The following SETD1A variants were observed in gnomAD, a reference collection of about 807,000 sequenced individuals.
SETD1A encodes histone-lysine N-methyltransferase SETD1A.
In SETD1A, 29 loss-of-function variants were observed where a neutral mutation model predicts 149.9. The observed-to-expected ratio is 0.19, with a 90% CI of 0.14 to 0.26. The LOEUF (loss-of-function observed/expected upper bound fraction) is 0.26. Among genes scored for constraint, SETD1A ranks in the 10% least tolerant of loss-of-function variants. SETD1A has a pLI of 1.00. For missense variants in SETD1A, 2,109 were observed against 2,353.1 expected (o/e 0.90, Z 2.15); for synonymous variants, 1,141 against 968.5 (o/e 1.18, Z -3.31).
At position 30,964,172 on chromosome 16, in the gene SETD1A, G is replaced by A. The variant is rs199921664; in HGVS notation, c.718G>A (p.Gly240Ser). Residue 240 changes from glycine to serine, a missense_variant, in exon 6 of 19, where the codon GGC becomes AGC. Transcript: ENST00000262519. Reference sequence around the variant, plus strand: ...CACTGCGGTGGGCACTCCTGGCAACGGCACCCCCTGCTCCCAGGACACAAG... The same window carrying A: ...CACTGCGGTGGGCACTCCTGGCAACAGCACCCCCTGCTCCCAGGACACAAG... ...GTTAVGTPGN[G>S]TPCSQDTSFS... 136 of 1,613,978 alleles carry A rather than the reference G, an allele frequency of 8.4e-5. No individual in the cohort carries two copies. Among genetic ancestry groups the A allele is most frequent in the East Asian group, 1.3e-4 (6 of 44,864 alleles).
At position 30,979,991 on chromosome 16, in the gene SETD1A, G is replaced by GCCCAA; in HGVS notation, c.4208_4209insAACCC (p.Pro1404ThrfsTer23). 1.1e-5 allele frequency: 14 copies of GCCCAA among 1,279,658 alleles called. No homozygotes were observed. Among genetic ancestry groups the GCCCAA allele is most frequent in the Middle Eastern group, 2.9e-4 (1 of 3,470 alleles). 79.3% of individuals were successfully genotyped at this position (1,279,658 alleles called of 1,614,324 possible). On this transcript the variant is annotated frameshift_variant, in exon 14 of 19. Coordinates refer to ENST00000262519, the MANE Select transcript of SETD1A (RefSeq NM_014712.3). LOFTEE classifies it high-confidence loss of function. ...CTCCGCTCCCACGCCCGGCGCCGCCGCCCTCCGCCCCCACCCCCGCCGCCA... is the reference window on the plus strand; with the variant it reads ...CTCCGCTCCCACGCCCGGCGCCGCCGCCCAACCCTCCGCCCCCACCCCCGCCGCCA...
Position 30,980,096 on chromosome 16 carries a change from C to T in SETD1A, c.4310C>T (p.Ser1437Leu), listed in dbSNP as rs2056351599. ...GACATTTGGAACTCGGGCCTGGACT[C>T]AGAGGACATGAGTTACCTGCGGCTT... Reference protein sequence around the residue: ...LYDIWNSGLDSEDMSYLRLTY... With the variant: ...LYDIWNSGLDLEDMSYLRLTY... Residue 1437 changes from serine to leucine, a missense_variant, in exon 14 of 19, where the codon TCA becomes TTA. This residue lies in a region of SETD1A where 254 missense variants were observed against 409.3 expected (regional missense o/e 0.62). Coordinates refer to ENST00000262519, the MANE Select transcript of SETD1A (RefSeq NM_014712.3). This position sits in a 1 kb window ranked among gnomAD's most constrained non-coding sequence, Gnocchi z 7.7. The T allele has an allele frequency of 6.2e-7, 1 of 1,612,108 alleles. No homozygotes were observed. Among genetic ancestry groups the T allele is most frequent in the South Asian group, 1.1e-5 (1 of 91,060 alleles).
rs1389128355 is a variant in SETD1A, at chr16:30,969,688, T to C, written c.3015T>C (p.Asp1005=). 6.2e-7 allele frequency: 1 copy of C among 1,613,248 alleles called. No homozygotes were observed. ...CAAAGAAGGAGACAGAGGTGTCGGATGGTGAGCACAAGACAGTGAAATCGA... is the reference window on the plus strand; with the variant it reads ...CAAAGAAGGAGACAGAGGTGTCGGACGGTGAGCACAAGACAGTGAAATCGA... ...DTTKKETEVS[D]GEDEESDSSS... Residue 1005 remains aspartate, a splice_region_variant and synonymous_variant, in exon 12 of 19, where the codon GAT becomes GAC. Transcript: ENST00000262519.
intron 13 of SETD1A, 137 bp downstream of exon 13, chr16:30,971,856 C>A: frequency 1.7e-6 from 2 of 1,182,398 alleles, no homozygotes; most frequent in Non-Finnish European, 2.3e-6. Flanking sequence ...CATCTCCTGT[C>A]ACTACCTTCT....
intron 2 of SETD1A, 42 bp downstream of exon 2, chr16:30,958,923 G>T (rs1191302593): frequency 6.2e-7 from 1 of 1,610,548 alleles, no homozygotes; most frequent in Non-Finnish European, 8.5e-7. Context: ...GGAGCTCCAG[G>T]CGCCCGTCCT....
Position 30,964,335 on chromosome 16 carries a change from ACCCCGCCTGGGG to A in SETD1A, c.869+20_869+31del. ...GCCTACTCCAGCAGGTACAGAGCAG[ACCCCGCCTGGGG>A]CCCCGCCCGCAAAGTCTGGGAGCTG... On this transcript the variant is annotated intron_variant, in intron 6 of 18. Transcript: ENST00000262519. 6.2e-7 allele frequency: 1 copy of A among 1,604,024 alleles called. No homozygotes were observed. Among genetic ancestry groups the A allele is most frequent in the South Asian group, 1.1e-5 (1 of 90,706 alleles).
rs2143504874 is a variant in SETD1A, at chr16:30,966,162, T to C, written c.2281T>C (p.Ser761Pro). Residue 761 changes from serine to proline, a missense_variant, in exon 8 of 19, where the codon TCC (serine) becomes CCC (proline). By Grantham distance (74) the Ser-to-Pro change is moderately conservative (BLOSUM62 -1). Around this residue, in one of 8 missense-constraint regions of SETD1A, gnomAD observed 431 missense variants for 388.6 expected, o/e 1.11. Transcript: ENST00000262519. ...GCCAATGGCAGCCGAGCCCCTGCCC[T>C]CCTCCTCAGTCTCGGGAGAGGAGGC... ...PMPMAAEPLP[S>P]SSVSGEEARL... 2.5e-6 allele frequency: 4 copies of C among 1,608,962 alleles called. No homozygotes were observed. The highest frequency in any genetic ancestry group is 3.4e-6 in the Non-Finnish European group (4 of 1,177,352).
chr16:30,960,759 G>C (rs544981613), intron 3 of SETD1A, among the ~76,000 whole-genome samples: 2 of 116,588 alleles, frequency 1.7e-5, no homozygotes, highest in Non-Finnish European at 1.7e-5. Flanking sequence ...TTTTTGAGAC[G>C]GAGTCTCGCT....
At chr16:30,958,695 C>G (rs2056002118) in intron 1 of SETD1A, 22 bp from the exon 2 acceptor site, 8 of 1,608,310 alleles carry the variant, frequency 5.0e-6, no homozygotes, top group East Asian at 2.2e-5. Flanking sequence ...ATCCTTCTTG[C>G]GTGTCCCTCT....
rs775121263 is a variant in SETD1A at position 30,979,346 on chromosome 16, C to T, written c.3560C>T (p.Pro1187Leu). Reference protein sequence around the residue: ...PAPEPPPATPPQAKFPGPASR... With the variant: ...PAPEPPPATPLQAKFPGPASR... The stretch of plus-strand genomic sequence containing the variant: ...CCGGAGCCCCCTCCAGCCACACCGC[C>T]GCAGGCCAAGTTTCCCGGCCCAGCC... The change falls in exon 14 of 19, where the codon CCG becomes CTG. Residue 1187 changes from proline (P) to leucine (L), a missense_variant. Transcript: ENST00000262519. The T allele has an allele frequency of 5.6e-6, 9 of 1,613,164 alleles. No homozygotes were observed. The highest frequency in any genetic ancestry group is 5.5e-5 in the South Asian group (5 of 91,032).
intron 10 of SETD1A, 107 bp downstream of exon 10, chr16:30,967,695 G>A (rs183868199): frequency 1.2e-4 from 99 of 852,332 alleles, no homozygotes; most frequent in Non-Finnish European, 1.7e-4. Flanking sequence ...ACAGCCAGGT[G>A]GAGGTGCAGG....
At chr16:30,981,246 C>T (rs1250997393) in intron 17 of SETD1A, 66 bp downstream of exon 17, 1 of 1,593,602 alleles carries the variant, frequency 6.3e-7, no homozygotes, top group South Asian at 1.1e-5. Context: ...GGCTCACACA[C>T]ATGCTGTTTG....
chr16:30,962,220 A>C (rs1321203267), intron 4 of SETD1A, among the ~76,000 whole-genome samples: 2 of 151,998 alleles, frequency 1.3e-5, no homozygotes, highest in African/African-American at 4.8e-5. Flanking sequence ...ATGCGCCACT[A>C]CGCCCGGCTA....
chr16:30,960,822 G>C (rs563172249), intron 3 of SETD1A, among the ~76,000 whole-genome samples: 1 of 131,948 alleles, frequency 7.6e-6, no homozygotes, highest in East Asian at 2.4e-4. Context: ...TGCAACCTCT[G>C]CCTGCCAGGT....
intron 5 of SETD1A, among the ~76,000 whole-genome samples, chr16:30,963,835 G>C (rs558567173): frequency 1.3e-5 from 2 of 152,146 alleles, no homozygotes; most frequent in African/African-American, 4.8e-5. Context: ...TACTAAAACT[G>C]CAAAAAATTA....
At position 30,961,457 on chromosome 16, in the gene SETD1A, G is replaced by A. The variant is rs1231464208; in HGVS notation, c.437G>A (p.Arg146Gln). 2.5e-6 allele frequency: 4 copies of A among 1,614,116 alleles called. No homozygotes were observed. The highest frequency in any genetic ancestry group is 1.7e-4 in the Middle Eastern group (1 of 6,060). ...GLARVLFTST[R>Q]GAKETVKNLH... ...GCCCGTGTGCTCTTCACCAGCACTC[G>A]GGGCGCCAAGGAAACGGTCAAAAAC... The change falls in exon 4 of 19, where the codon CGG (arginine) becomes CAG (glutamine). Residue 146 changes from arginine (R) to glutamine (Q), a missense_variant. Around this residue, in one of 8 missense-constraint regions of SETD1A, gnomAD observed 62 missense variants for 149.5 expected, o/e 0.41. Coordinates refer to ENST00000262519, the MANE Select transcript of SETD1A (RefSeq NM_014712.3). The surrounding 1 kb of genome is among the most constrained non-coding windows in gnomAD (Gnocchi z 4.0).
chr16:30,972,618 G>A (rs1213472139), intron 13 of SETD1A, among the ~76,000 whole-genome samples: 5 of 147,648 alleles, frequency 3.4e-5, no homozygotes, highest in South Asian at 2.2e-4. Flanking sequence ...CAGCCTGGGC[G>A]ACAGAGCGAG....
At chr16:30,959,808 G>A (rs1375782780) in intron 3 of SETD1A, among the ~76,000 whole-genome samples, 2 of 149,896 alleles carry the variant, frequency 1.3e-5, no homozygotes, top group Non-Finnish European at 3.0e-5. Context: ...CACACCCACA[G>A]CTTCAACTAT....
Position 30,958,925 on chromosome 16 carries a change from G to A in SETD1A, c.150+44G>A, listed in dbSNP as rs780227371. On this transcript the variant is annotated intron_variant, in intron 2 of 18. Coordinates refer to ENST00000262519, the MANE Select transcript of SETD1A (RefSeq NM_014712.3). ...GGTTGCCATCCGGGGAGCTCCAGGCGCCCGTCCTCTGTGATTCTGTTCAGC... is the reference window on the plus strand; with the variant it reads ...GGTTGCCATCCGGGGAGCTCCAGGCACCCGTCCTCTGTGATTCTGTTCAGC... The A allele has an allele frequency of 3.1e-6, 5 of 1,609,090 alleles. No individual in the cohort carries two copies. The South Asian group carries it at 4.4e-5, about 14-fold the overall frequency.
Sources: allele counts gnomAD v4.1 joint callset (sites outside exome capture counted in the v4.1 genomes callset), GRCh38; gene constraint gnomAD v4.1.1; regional missense constraint gnomAD v4.1.1; non-coding constraint Gnocchi (gnomAD v3.1); transcripts MANE v1.5; gene names NCBI Gene and HGNC (gene_info 2026-07-23, HGNC 2026-07-21).